Variants in HEATR1 observed in about 807,000 individuals in gnomAD.
HEATR1 encodes the protein HEAT repeat-containing protein 1.
In HEATR1, 77 loss-of-function variants were observed where a neutral mutation model predicts 248.2. That is an observed-to-expected ratio of 0.31 (90% confidence interval 0.26 to 0.37). The LOEUF (loss-of-function observed/expected upper bound fraction) is 0.37. Among genes scored for constraint, HEATR1 ranks in the 10% least tolerant of loss-of-function variants. HEATR1 has a pLI of 1.00. For synonymous variants in HEATR1, 897 were observed against 923.1 expected (o/e 0.97, Z 0.51); for missense variants, 2,420 against 2,504.9 (o/e 0.97, Z 0.72).
intron 31 of HEATR1, 47 bp downstream of exon 31, chr1:236,565,872 C>G: frequency 6.4e-7 from 1 of 1,570,484 alleles, no homozygotes. Flanking sequence ...TTCTGTTTCT[C>G]TTTAGCTTTC....
At chr1:236,573,467 TA>T (rs1303706695) in intron 24 of HEATR1, among the ~76,000 whole-genome samples, 2 of 152,102 alleles carry the variant, frequency 1.3e-5, no homozygotes, top group Non-Finnish European at 2.9e-5. Flanking sequence ...AAAACAACTA[TA>T]AAAAATACTT....
chr1:236,585,791 C>T (rs1267121050), intron 16 of HEATR1, 29 bp downstream of exon 16: 5 of 1,599,456 alleles, frequency 3.1e-6, no homozygotes, highest in Non-Finnish European at 4.3e-6. Flanking sequence ...GAAAGAAATC[C>T]AGGGGGTGGA....
Position 236,586,372 on chromosome 1 carries a change from A to C in HEATR1, c.1796T>G (p.Val599Gly). The change falls in exon 15 of 45, where the codon GTG becomes GGG. Residue 599 changes from valine (V) to glycine (G), a missense_variant. Coordinates refer to ENST00000366582, the MANE Select transcript of HEATR1 (RefSeq NM_018072.6). The part of the protein sequence containing the change: ...LSENDQLSNQ[V>G]VVCLLPFMVI... ...CATAAATGGCAGCAAACATACAACC[A>C]CCTGATTTGACAACTGATCATTTTC... 6.2e-7 allele frequency: 1 copy of C among 1,612,952 alleles called. No individual in the cohort carries two copies. Among genetic ancestry groups the C allele is most frequent in the Non-Finnish European group, 8.5e-7 (1 of 1,179,102 alleles).
At chr1:236,586,170 A>C in intron 15 of HEATR1, 71 bp downstream of exon 15, 1 of 1,366,252 alleles carries the variant, frequency 7.3e-7, no homozygotes, top group Non-Finnish European at 9.9e-7. Context: ...CCAACAATAA[A>C]TTTTAAATTT....
rs539639643 is a variant in HEATR1, at chr1:236,577,050, G to A, written c.2756-101C>T. On this transcript the variant is annotated intron_variant, in intron 20 of 44. Transcript: ENST00000366582. ...GGTACTTGATAAAAAGTTTCCCTTC[G>A]AATTCAAACTCCTTCTCTGTTCACT... 207 of 829,704 alleles carry A rather than the reference G, an allele frequency of 2.5e-4. 4 individuals are homozygous for A. The South Asian group carries it at 3.9e-3, about 16-fold the overall frequency. The allele number at this position is 829,704 out of a possible 1,614,324, so 51.4% of individuals were successfully genotyped here.
chr1:236,584,018 G>C (rs981927701), intron 17 of HEATR1, among the ~76,000 whole-genome samples: 2 of 152,084 alleles, frequency 1.3e-5, no homozygotes, highest in Non-Finnish European at 2.9e-5. Context: ...ATATGACTCT[G>C]TACAAGCAGT....
chr1:236,581,301 T>C lies in HEATR1; in HGVS notation c.2676A>G (p.Gln892=), dbSNP rs138150951. ...GCATTGCACAGCCCACATAAAGAGC[T>C]TGAGTCTGCAGCACTGTTTTCACAC... ...NCSVKTVLQT[Q]ALYVGCAMLS... is the part of the protein sequence containing the mutation. The change falls in exon 20 of 45, where the codon CAA becomes CAG. Residue 892 remains glutamine (Q), a synonymous_variant. Coordinates refer to ENST00000366582, the MANE Select transcript of HEATR1 (RefSeq NM_018072.6). 1.1e-3 allele frequency: 1,742 copies of C among 1,613,774 alleles called. 2 individuals carry two copies. The highest frequency in any genetic ancestry group is 1.3e-3 in the Non-Finnish European group (1,536 of 1,179,908).
chr1:236,557,528 C>T (rs1663011296), intron 36 of HEATR1, among the ~76,000 whole-genome samples, 183 bp from the exon 37 acceptor site: 1 of 152,238 alleles, frequency 6.6e-6, no homozygotes, highest in South Asian at 2.1e-4. Flanking sequence ...CCAGTGCTAA[C>T]AGTACGGACA....
intron 26 of HEATR1, among the ~76,000 whole-genome samples, chr1:236,572,051 CTA>C (rs1663443671): frequency 6.6e-6 from 1 of 152,066 alleles, no homozygotes. Flanking sequence ...ATATATACAT[CTA>C]TATATATGAA....
At chr1:236,589,466 CCTT>C (rs1332978729) in intron 12 of HEATR1, among the ~76,000 whole-genome samples, 3 of 150,874 alleles carry the variant, frequency 2.0e-5, no homozygotes, top group Admixed American at 6.7e-5. Context: ...AAGTATAACT[CCTT>C]CTTAAAATAT....
In HEATR1 at chr1:236,596,063, T is replaced by A; in HGVS notation, c.745-19A>T. 1 of 1,530,204 alleles carries A rather than the reference T, an allele frequency of 6.5e-7. No homozygotes were observed. Among genetic ancestry groups the A allele is most frequent in the Admixed American group, 1.7e-5 (1 of 58,044 alleles). The allele number at this position is 1,530,204 out of a possible 1,614,324, so 94.8% of individuals were successfully genotyped here. Reference sequence around the variant, plus strand: ...TCAATCCCTAAATATTTTTTAAATATAAGGAAAAATGATAAACCATATTAT... The same window carrying A: ...TCAATCCCTAAATATTTTTTAAATAAAAGGAAAAATGATAAACCATATTAT... On this transcript the variant is annotated intron_variant, in intron 6 of 44. Transcript: ENST00000366582.
intron 6 of HEATR1, 66 bp from the exon 7 acceptor site, chr1:236,596,110 A>G: frequency 8.6e-7 from 1 of 1,159,560 alleles, no homozygotes; most frequent in South Asian, 1.4e-5. Flanking sequence ...TTAAATGTTA[A>G]TCTGACAAAT....
At chr1:236,587,809 A>G (rs1663934907) in intron 13 of HEATR1, 139 bp downstream of exon 13, 2 of 560,434 alleles carry the variant, frequency 3.6e-6, no homozygotes, top group African/African-American at 1.9e-5. Context: ...AACCAGACTT[A>G]AGTCTGTGCT....
chr1:236,574,959 C>T, intron 22 of HEATR1, 56 bp from the exon 23 acceptor site: 1 of 1,540,050 alleles, frequency 6.5e-7, no homozygotes, highest in South Asian at 1.2e-5. Context: ...TGTTTTTGCT[C>T]ACTCTACAGA....
At chr1:236,579,215 A>C (rs1027018717) in intron 20 of HEATR1, among the ~76,000 whole-genome samples, 2 of 150,690 alleles carry the variant, frequency 1.3e-5, no homozygotes, top group African/African-American at 4.9e-5. Context: ...GCAGGCATAC[A>C]ACTGTTTATT....
chr1:236,587,885 C>G, intron 13 of HEATR1, 63 bp downstream of exon 13: 1 of 1,134,960 alleles, frequency 8.8e-7, no homozygotes, highest in African/African-American at 1.6e-5. Flanking sequence ...AGCAGAGAAT[C>G]AAGTGAGAAG....
Position 236,582,712 on chromosome 1 carries a change from G to A in HEATR1, c.2562+24C>T, listed in dbSNP as rs115068559. 4.8e-3 allele frequency: 7,682 copies of A among 1,612,612 alleles called. 34 individuals carry two copies. Among genetic ancestry groups the A allele is most frequent in the Non-Finnish European group, 5.8e-3 (6,887 of 1,178,696 alleles). Reference sequence around the variant, plus strand: ...CATATCTTCTTTAAGGGTAGAGTACGCCTGAAAAGGAGGAGGCTTGTACCT... The same window carrying A: ...CATATCTTCTTTAAGGGTAGAGTACACCTGAAAAGGAGGAGGCTTGTACCT... On this transcript the variant is annotated intron_variant, in intron 19 of 44. Coordinates refer to ENST00000366582, the MANE Select transcript of HEATR1 (RefSeq NM_018072.6).
intron 12 of HEATR1, 113 bp from the exon 13 acceptor site, chr1:236,588,156 C>T: frequency 1.4e-6 from 1 of 695,672 alleles, no homozygotes; most frequent in Non-Finnish European, 2.4e-6. Flanking sequence ...CAGTCTAACA[C>T]AGGCTCTGCT....
chr1:236,575,837 T>C (rs1663549507), intron 22 of HEATR1, among the ~76,000 whole-genome samples: 2 of 152,214 alleles, frequency 1.3e-5, no homozygotes, highest in Non-Finnish European at 2.9e-5. Flanking sequence ...AGCAAATGAT[T>C]TTGGAATTTT....
Sources: allele counts gnomAD v4.1 joint callset (sites outside exome capture counted in the v4.1 genomes callset), GRCh38; gene constraint gnomAD v4.1.1; transcripts MANE v1.5; gene names NCBI Gene and HGNC (gene_info 2026-07-23, HGNC 2026-07-21).